Variants in WIF1 observed in about 807,000 individuals in gnomAD.
WIF1 encodes the protein Wnt inhibitory factor 1.
In WIF1, 35 loss-of-function variants were observed where a neutral mutation model predicts 53.5. The ratio of observed to expected loss-of-function variants is 0.65; its 90% CI spans 0.50 to 0.87. The LOEUF (loss-of-function observed/expected upper bound fraction) is 0.87, where lower values mean the gene tolerates loss of function less well. WIF1 is among the 40% of genes least tolerant of loss of function. The probability of loss-of-function intolerance (pLI) is 0.00; values close to 1 mark genes in which losing one functional copy is unlikely to be tolerated. For missense variants in WIF1, 467 were observed against 476.8 expected (o/e 0.98, Z 0.19); for synonymous variants, 171 against 170.4 (o/e 1.00, Z -0.03).
intron 2 of WIF1, among the ~76,000 whole-genome samples, chr12:65,091,806 C>T (rs1224877264): frequency 6.6e-6 from 1 of 152,126 alleles, no homozygotes; most frequent in Non-Finnish European, 1.5e-5. Flanking sequence ...TCTGGCTGAT[C>T]TTTCTGTGTT....
intron 7 of WIF1, among the ~76,000 whole-genome samples, chr12:65,058,350 C>T (rs368379736): frequency 2.0e-5 from 3 of 152,094 alleles, no homozygotes; most frequent in South Asian, 2.1e-4. Flanking sequence ...TTGGTGAGCC[C>T]GAATTTTCTC....
chr12:65,060,023 T>A (rs986698729), intron 7 of WIF1, among the ~76,000 whole-genome samples: 1 of 149,462 alleles, frequency 6.7e-6, no homozygotes, highest in African/African-American at 2.5e-5. Context: ...ACATTTCATT[T>A]AAAAAAAAAA....
intron 5 of WIF1, among the ~76,000 whole-genome samples, chr12:65,067,174 A>C (rs1882698921): frequency 6.6e-6 from 1 of 152,148 alleles, no homozygotes; most frequent in Non-Finnish European, 1.5e-5. Context: ...TTATTTCTTG[A>C]AGATGAAAAA....
At chr12:65,079,894 T>C (rs1334922803) in intron 2 of WIF1, among the ~76,000 whole-genome samples, 3 of 151,394 alleles carry the variant, frequency 2.0e-5, no homozygotes, top group African/African-American at 7.3e-5. Flanking sequence ...ATTTTTGCAT[T>C]CTATCTATTA....
In WIF1 at chr12:65,055,126, C is replaced by A. The variant is rs1882503490; in HGVS notation, c.1010G>T (p.Cys337Phe). The change falls in exon 9 of 10, where the codon TGC (cysteine) becomes TTC (phenylalanine). Residue 337 changes from cysteine (C) to phenylalanine (F), a missense_variant. Physicochemically the swap from Cys to Phe is radical, Grantham distance 205 (BLOSUM62 -2). Coordinates refer to ENST00000286574, the MANE Select transcript of WIF1 (RefSeq NM_007191.5). ...QCQEGWHGRH[C>F]NKRYEASLIH... ...TTATTTCTCCCACTCACTTTTATTG[C>A]AGTGTCTTCCATGCCAACCTTCTTG... 1 of 1,613,440 alleles carries A rather than the reference C, an allele frequency of 6.2e-7. No individual in the cohort carries two copies. Among genetic ancestry groups the A allele is most frequent in the African/African-American group, 1.3e-5 (1 of 74,850 alleles).
At chr12:65,059,801 G>A (rs867552952) in intron 7 of WIF1, among the ~76,000 whole-genome samples, 12 of 151,986 alleles carry the variant, frequency 7.9e-5, no homozygotes, top group African/African-American at 2.9e-4. Flanking sequence ...ACAGGTGTCT[G>A]CCACCATGCC....
At chr12:65,056,718 C>T (rs1314114855) in intron 7 of WIF1, among the ~76,000 whole-genome samples, 3 of 151,954 alleles carry the variant, frequency 2.0e-5, no homozygotes, top group Admixed American at 6.6e-5. Context: ...GGCAGGATCT[C>T]GGCTCACTGC....
intron 2 of WIF1, among the ~76,000 whole-genome samples, chr12:65,086,636 T>C (rs929254302): frequency 2.0e-5 from 3 of 151,340 alleles, no homozygotes; most frequent in Non-Finnish European, 4.4e-5. Context: ...TGCAGGTACT[T>C]GGGAGAAGAA....
At chr12:65,072,619 C>A (rs898859183) in intron 3 of WIF1, among the ~76,000 whole-genome samples, 6 of 152,064 alleles carry the variant, frequency 3.9e-5, no homozygotes, top group Admixed American at 3.9e-4. Context: ...CATGCACATA[C>A]CTGCACATAT....
intron 7 of WIF1, among the ~76,000 whole-genome samples, chr12:65,059,254 G>A (rs1018424157): frequency 1.3e-5 from 2 of 152,184 alleles, no homozygotes; most frequent in Non-Finnish European, 2.9e-5. Context: ...GTTTAATGAA[G>A]TGACAGTTAA....
intron 2 of WIF1, among the ~76,000 whole-genome samples, chr12:65,098,818 C>T (rs1218033893): frequency 6.6e-6 from 1 of 152,132 alleles, no homozygotes; most frequent in East Asian, 1.9e-4. Context: ...AAAAACCCTG[C>T]CCTGGTTGTC....
chr12:65,086,855 AGCAATTG>A (rs2136627359), intron 2 of WIF1, among the ~76,000 whole-genome samples: 1 of 152,008 alleles, frequency 6.6e-6, no homozygotes, highest in African/African-American at 2.4e-5. Flanking sequence ...TTTAAACCTG[AGCAATTG>A]GCTGGGCATG....
At chr12:65,051,619 G>A in intron 9 of WIF1, 149 bp from the exon 10 acceptor site, 1 of 1,034,664 alleles carries the variant, frequency 9.7e-7, no homozygotes, top group Non-Finnish European at 1.3e-6. Flanking sequence ...TGAATGAAGA[G>A]ATCTCTGTTA....
chr12:65,068,742 T>C (rs967566615), intron 4 of WIF1, 22 bp downstream of exon 4: 2 of 1,611,464 alleles, frequency 1.2e-6, no homozygotes, highest in African/African-American at 2.7e-5. Context: ...ATGTCTTCTC[T>C]TGAATCACCA....
chr12:65,058,771 T>G (rs1372095334), intron 7 of WIF1, among the ~76,000 whole-genome samples: 2 of 152,174 alleles, frequency 1.3e-5, no homozygotes, highest in African/African-American at 4.8e-5. Flanking sequence ...AAGCCCTGGC[T>G]GGGCATGGTG....
intron 2 of WIF1, among the ~76,000 whole-genome samples, chr12:65,084,886 A>G (rs1289048942): frequency 6.6e-6 from 1 of 152,194 alleles, no homozygotes; most frequent in Non-Finnish European, 1.5e-5. Context: ...GTGGTCAGTC[A>G]TTGCAGCCCA....
At chr12:65,120,392 A>T (rs200496097) in intron 2 of WIF1, 25 bp downstream of exon 2, 1 of 1,608,686 alleles carries the variant, frequency 6.2e-7, no homozygotes, top group Non-Finnish European at 8.5e-7. Context: ...TGGAAATATT[A>T]AAGGGTAATT....
rs746794612 is a variant in WIF1, at chr12:65,055,993, C to G, written c.922+38G>C. On this transcript the variant is annotated intron_variant, in intron 8 of 9. Coordinates refer to ENST00000286574, the MANE Select transcript of WIF1 (RefSeq NM_007191.5). ...GAGAGACTCCTGCTAGTTTAACGAC[C>G]TAGTAGCCCAGATTGGCAATGTGTA... The G allele has an allele frequency of 1.9e-6, 3 of 1,585,820 alleles. No homozygotes were observed. In the African/African-American group the frequency reaches 4.0e-5, roughly 21 times the overall value.
intron 1 of WIF1, 105 bp downstream of exon 1, chr12:65,120,939 T>C (rs997988371): frequency 6.1e-6 from 8 of 1,312,872 alleles, no homozygotes; most frequent in Non-Finnish European, 7.9e-6. Context: ...CACTCTTTTG[T>C]GGAAATTAAG....
Sources: allele counts gnomAD v4.1 joint callset (sites outside exome capture counted in the v4.1 genomes callset), GRCh38; gene constraint gnomAD v4.1.1; transcripts MANE v1.5; gene names NCBI Gene and HGNC (gene_info 2026-07-23, HGNC 2026-07-21).